MCUB: variants seen among roughly 807,000 people sequenced by gnomAD.
MCUB encodes the protein calcium uniporter regulatory subunit MCUb, mitochondrial.
A neutral mutation model predicts 41.4 loss-of-function variants in MCUB; 46 were observed. The ratio of observed to expected loss-of-function variants is 1.11; its 90% CI spans 0.88 to 1.42. The LOEUF (loss-of-function observed/expected upper bound fraction) is 1.42. Ranked by LOEUF, MCUB falls within the 40% of genes most tolerant of loss-of-function variation. MCUB has a pLI of 0.00. For synonymous variants in MCUB, 148 were observed against 148.2 expected, an observed-to-expected ratio of 1.00 and a Z score of 0.01; for missense variants, 403 against 404.9, an observed-to-expected ratio of 1.00 and a Z score of 0.04.
chr4:109,662,131 GGTT>G (rs1336300294), intron 3 of MCUB, among the ~76,000 whole-genome samples: 1 of 152,222 alleles, frequency 6.6e-6, no homozygotes, highest in Non-Finnish European at 1.5e-5. Context: ...GCTTATTGTA[GGTT>G]GTTGTTAGGA....
chr4:109,572,860 A>C (rs1726947116), intron 1 of MCUB, among the ~76,000 whole-genome samples: 1 of 152,174 alleles, frequency 6.6e-6, no homozygotes, highest in Admixed American at 6.5e-5. Context: ...GCTACATTAT[A>C]TATTTCTTGA....
At chr4:109,639,940 G>A (rs918498509) in intron 1 of MCUB, among the ~76,000 whole-genome samples, 2 of 152,166 alleles carry the variant, frequency 1.3e-5, no homozygotes, top group African/African-American at 2.4e-5. Flanking sequence ...CAGGTGTCAC[G>A]TGCGTTTGTA....
At chr4:109,653,412 T>G (rs1259380019) in intron 1 of MCUB, among the ~76,000 whole-genome samples, 1 of 152,018 alleles carries the variant, frequency 6.6e-6, no homozygotes, top group Non-Finnish European at 1.5e-5. Context: ...CTGCCAAATG[T>G]TTTCCAGAAT....
intron 1 of MCUB, among the ~76,000 whole-genome samples, chr4:109,615,403 G>T (rs970292532): frequency 2.0e-5 from 3 of 150,776 alleles, no homozygotes; most frequent in African/African-American, 7.3e-5. Flanking sequence ...TCATAGATGT[G>T]AATTTTTTTT....
chr4:109,657,807 T>C (rs1405640333), intron 1 of MCUB, among the ~76,000 whole-genome samples: 1 of 152,222 alleles, frequency 6.6e-6, no homozygotes, highest in Non-Finnish European at 1.5e-5. Context: ...TGTTCCGTGG[T>C]GAGGTGGCCA....
intron 1 of MCUB, 96 bp from the exon 2 acceptor site, chr4:109,658,915 A>G (rs918922849): frequency 5.2e-6 from 4 of 773,386 alleles, no homozygotes; most frequent in African/African-American, 1.7e-5. Context: ...TGCTTTTCAT[A>G]TAGTATTAAA....
At chr4:109,639,577 C>G (rs565364440) in intron 1 of MCUB, among the ~76,000 whole-genome samples, 2 of 152,254 alleles carry the variant, frequency 1.3e-5, no homozygotes, top group African/African-American at 4.8e-5. Flanking sequence ...AATCCAGCTA[C>G]TCAGGAGGCT....
At chr4:109,578,666 AT>A (rs1198880281) in intron 1 of MCUB, among the ~76,000 whole-genome samples, 2 of 151,884 alleles carry the variant, frequency 1.3e-5, no homozygotes, top group Non-Finnish European at 2.9e-5. Flanking sequence ...TGCCTGGCCA[AT>A]TTTTCTTTTT....
At chr4:109,641,864 A>T (rs949369375) in intron 1 of MCUB, among the ~76,000 whole-genome samples, 2 of 152,230 alleles carry the variant, frequency 1.3e-5, no homozygotes, top group Non-Finnish European at 2.9e-5. Context: ...TACTACCTTC[A>T]TGTAGTTCCC....
At chr4:109,607,209 T>TTTTC (rs142787512) in intron 1 of MCUB, among the ~76,000 whole-genome samples, 232 of 150,910 alleles carry the variant, frequency 1.5e-3, no homozygotes, top group African/African-American at 4.4e-3. Context: ...ATTAACATCC[T>TTTTC]TTTCTTTCTT....
chr4:109,566,765 G>A (rs1726787535), intron 1 of MCUB, among the ~76,000 whole-genome samples: 1 of 152,244 alleles, frequency 6.6e-6, no homozygotes, highest in African/African-American at 2.4e-5. Context: ...AGTTCACAGA[G>A]CTAAGTGGTG....
At chr4:109,610,895 C>T (rs1727994902) in intron 1 of MCUB, among the ~76,000 whole-genome samples, 1 of 152,120 alleles carries the variant, frequency 6.6e-6, no homozygotes, top group Admixed American at 6.6e-5. Context: ...AATATAGTAA[C>T]TGCAGAAAGA....
At chr4:109,594,864 AAG>A (rs1364467229) in intron 1 of MCUB, among the ~76,000 whole-genome samples, 1 of 151,988 alleles carries the variant, frequency 6.6e-6, no homozygotes, top group Non-Finnish European at 1.5e-5. Flanking sequence ...AAATACCAAA[AAG>A]AGAGAGGCTC....
At chr4:109,587,366 C>T (rs1037587143) in intron 1 of MCUB, among the ~76,000 whole-genome samples, 20 of 152,234 alleles carry the variant, frequency 1.3e-4, no homozygotes, top group Non-Finnish European at 1.9e-4. Context: ...CCGTCTGTCA[C>T]GGCTTCCGTT....
Position 109,615,970 on chromosome 4 carries a change from C to T in MCUB, c.100-43041C>T, listed in dbSNP as rs540316342. Among the ~76,000 whole-genome samples the T allele has an allele frequency of 1.1e-4, 16 of 152,250 alleles. No homozygotes were observed. The South Asian group carries it at 3.3e-3, about 32-fold the overall frequency. ...GTCATCACCTGTGCACCATCATGTTCATTTTGGACAAGAAAAGGAAGTACC... is the reference window on the plus strand; with the variant it reads ...GTCATCACCTGTGCACCATCATGTTTATTTTGGACAAGAAAAGGAAGTACC... On this transcript the variant is annotated intron_variant, in intron 1 of 7. Transcript: ENST00000394650.
At chr4:109,603,433 C>G (rs914479344) in intron 1 of MCUB, among the ~76,000 whole-genome samples, 1 of 152,214 alleles carries the variant, frequency 6.6e-6, no homozygotes, top group East Asian at 1.9e-4. Flanking sequence ...GTGGCGTGAT[C>G]TAGGCTCTCT....
Position 109,684,642 on chromosome 4 carries a change from G to A in MCUB, c.812G>A (p.Arg271Gln), listed in dbSNP as rs201083400. The A allele has an allele frequency of 1.4e-4, 191 of 1,409,056 alleles. No homozygotes were observed. The highest frequency in any genetic ancestry group is 1.6e-4 in the Non-Finnish European group (159 of 997,090). The allele number at this position is 1,409,056 out of a possible 1,614,324, so 87.3% of individuals were successfully genotyped here. A position where few individuals can be genotyped will look rare whatever the true frequency, so the allele number is the denominator to read the frequency against. ...MVFFAYFIVT[R>Q]QDYTYSAVKS... ...TTTTTTGCATACTTTATAGTCACTC[G>A]ACAGGTGAGTAGTTTGTTAGGAAAA... Residue 271 changes from arginine to glutamine, a missense_variant, in exon 6 of 8, where the codon CGA becomes CAA. By Grantham distance (43) the Arg-to-Gln change is conservative. Coordinates refer to ENST00000394650, the MANE Select transcript of MCUB (RefSeq NM_017918.5).
At chr4:109,610,991 T>C (rs886992195) in intron 1 of MCUB, among the ~76,000 whole-genome samples, 2 of 152,034 alleles carry the variant, frequency 1.3e-5, no homozygotes, top group African/African-American at 2.4e-5. Flanking sequence ...TTTCACCCCA[T>C]AGAAAAGTGA....
At chr4:109,676,074 G>T (rs1194921619) in intron 4 of MCUB, among the ~76,000 whole-genome samples, 1 of 152,222 alleles carries the variant, frequency 6.6e-6, no homozygotes, top group Non-Finnish European at 1.5e-5. Flanking sequence ...TTGGAATTTG[G>T]TAATGGGCAA....
Sources: allele counts gnomAD v4.1 joint callset (sites outside exome capture counted in the v4.1 genomes callset), GRCh38; gene constraint gnomAD v4.1.1; transcripts MANE v1.5; gene names NCBI Gene and HGNC (gene_info 2026-07-23, HGNC 2026-07-21).